The following RTN3 variants were observed in gnomAD, a reference collection of about 807,000 sequenced individuals.
RTN3 encodes the protein reticulon-3.
A neutral mutation model predicts 77.8 loss-of-function variants in RTN3; 49 were observed. The observed-to-expected ratio is 0.63, with a 90% CI of 0.50 to 0.80. The LOEUF is 0.80. Among genes scored for constraint, RTN3 ranks in the 30% least tolerant of loss-of-function variants. The pLI, the probability that RTN3 is intolerant of heterozygous loss-of-function variation, is 0.00. For missense variants in RTN3, 1,236 were observed against 1,211.9 expected, an observed-to-expected ratio of 1.02 and a Z score of -0.29; for synonymous variants, 464 against 446.9, an observed-to-expected ratio of 1.04 and a Z score of -0.48.
rs775683466 is a variant in RTN3, at chr11:63,759,443, T to G, written c.*1242T>G. On this transcript the variant is annotated 3_prime_UTR_variant, in exon 9 of 9. Transcript: ENST00000377819. ...AAGTAGTGGAAGGAAATTGTCTACG[T>G]GTCTTGGAAAAATTAGTTAGGAATT... 2.6e-5 allele frequency: 4 copies of G among 152,664 alleles called. No homozygotes were observed. The highest frequency in any genetic ancestry group is 5.9e-5 in the Non-Finnish European group (4 of 68,036). 9.5% of individuals were successfully genotyped at this position (152,664 alleles called of 1,614,324 possible).
In RTN3 at chr11:63,688,574, G is replaced by A. The variant is rs1319434873; in HGVS notation, c.142+6796G>A. Among the ~76,000 whole-genome samples the A allele has an allele frequency of 2.6e-5, 4 of 152,006 alleles. No homozygotes were observed. In the East Asian group the frequency reaches 7.7e-4, roughly 29 times the overall value. The stretch of plus-strand genomic sequence containing the variant: ...GTTTATTGTCAAATTCACAAGTAAT[G>A]GAACCACTCTGATCAAATTAAACAA... On this transcript the variant is annotated intron_variant, in intron 1 of 8. Coordinates refer to ENST00000377819, the MANE Select transcript of RTN3 (RefSeq NM_001265589.2).
rs114336236 is a variant in RTN3 at position 63,737,017 on chromosome 11, T to C, written c.2531-12974T>C. 9.7e-3 allele frequency among the ~76,000 whole-genome samples: 1,454 copies of C among 150,410 alleles called. 29 individuals carry two copies. The highest frequency in any genetic ancestry group is 0.033 in the African/African-American group (1,355 of 40,984). On this transcript the variant is annotated intron_variant, in intron 3 of 8. Coordinates refer to ENST00000377819, the MANE Select transcript of RTN3 (RefSeq NM_001265589.2). ...CTGTGATAGGGTCTTGCTCTGTTCC[T>C]AAGCCAGAGTGCAGTTTTGCAATCC...
chr11:63,691,732 A>C (rs1417291002), intron 1 of RTN3, among the ~76,000 whole-genome samples: 2 of 152,218 alleles, frequency 1.3e-5, no homozygotes, highest in Non-Finnish European at 2.9e-5. Context: ...AAAGATATCC[A>C]AAGTCTGACC....
intron 2 of RTN3, among the ~76,000 whole-genome samples, chr11:63,716,134 GT>G (rs1467491939): frequency 4.3e-4 from 65 of 152,166 alleles, no homozygotes; most frequent in African/African-American, 1.4e-3. Context: ...CCAGATTACA[GT>G]TATACTATTT....
intron 8 of RTN3, among the ~76,000 whole-genome samples, chr11:63,757,277 T>G (rs762107147): frequency 1.3e-5 from 2 of 151,918 alleles, no homozygotes; most frequent in Non-Finnish European, 2.9e-5. Flanking sequence ...TATCAAAGAG[T>G]TGTTTTCTTC....
intron 7 of RTN3, among the ~76,000 whole-genome samples, chr11:63,755,819 C>T (rs1182301152): frequency 2.0e-5 from 3 of 151,560 alleles, no homozygotes; most frequent in African/African-American, 7.3e-5. Context: ...ATTAGCCAGG[C>T]GTGGTGGCGG....
intron 3 of RTN3, among the ~76,000 whole-genome samples, chr11:63,728,686 G>A (rs1430615130): frequency 6.6e-6 from 1 of 152,036 alleles, no homozygotes; most frequent in African/African-American, 2.4e-5. Flanking sequence ...TCAGGAGTTC[G>A]AGACCAGCCT....
Position 63,752,526 on chromosome 11 carries a change from A to G in RTN3, c.2758A>G (p.Ile920Val). ...HPFKAYLDVD[I>V]TLSSEAFHNY... ...TGGAAGAGCCTACCTGGACGTAGAC[A>G]TTACTCTGTCCTCAGAAGCTTTCCA... The change falls in exon 5 of 9, where the codon ATT becomes GTT. Residue 920 changes from isoleucine (I) to valine (V), a missense_variant. Ile to Val is a conservative substitution (Grantham distance 29, BLOSUM62 3). This residue lies in a region of RTN3 where 141 missense variants were observed against 154.9 expected (regional missense o/e 0.91). Transcript: ENST00000377819. 1 of 1,613,646 alleles carries G rather than the reference A, an allele frequency of 6.2e-7. No individual in the cohort carries two copies. Among genetic ancestry groups the G allele is most frequent in the Non-Finnish European group, 8.5e-7 (1 of 1,179,570 alleles).
chr11:63,729,825 T>C (rs1448183686), intron 3 of RTN3, among the ~76,000 whole-genome samples: 1 of 151,860 alleles, frequency 6.6e-6, no homozygotes, highest in Admixed American at 6.6e-5. Flanking sequence ...GGTCTCGCTC[T>C]GTCACCCAGG....
Position 63,759,227 on chromosome 11 carries a change from C to T in RTN3, c.*1026C>T, listed in dbSNP as rs1268004849. 6.6e-6 allele frequency: 1 copy of T among 152,120 alleles called. No homozygotes were observed. The highest frequency in any genetic ancestry group is 1.5e-5 in the Non-Finnish European group (1 of 68,034). The allele number at this position is 152,120 out of a possible 1,614,324, so 9.4% of individuals were successfully genotyped here. On this transcript the variant is annotated 3_prime_UTR_variant, in exon 9 of 9. Transcript: ENST00000377819. ...TGATCTTTTCCCGAGATTCAAATCT[C>T]CGATTCCCATTTGGGGGCAAGTTTT...
rs1483088273 is a variant in RTN3 at position 63,718,836 on chromosome 11, C to G, written c.334C>G (p.Pro112Ala). ...GEKSHVLGSQ[P>A]ILAKEGKDHL... ...AAAAAGCCATGTGTTAGGGAGCCAGCCTATTTTAGCCAAAGAAGGAAAAGA... is the reference window on the plus strand; with the variant it reads ...AAAAAGCCATGTGTTAGGGAGCCAGGCTATTTTAGCCAAAGAAGGAAAAGA... Residue 112 changes from proline to alanine, a missense_variant, in exon 3 of 9, where the codon CCT becomes GCT. Coordinates refer to ENST00000377819, the MANE Select transcript of RTN3 (RefSeq NM_001265589.2). 3.7e-6 allele frequency: 6 copies of G among 1,613,962 alleles called. No homozygotes were observed. The highest frequency in any genetic ancestry group is 1.7e-5 in the Admixed American group (1 of 59,970).
At chr11:63,704,830 A>T in intron 1 of RTN3, 21 bp from the exon 2 acceptor site, 1 of 1,575,332 alleles carries the variant, frequency 6.3e-7, no homozygotes. Context: ...TCATATTCTC[A>T]TGCTGTATAT....
At chr11:63,693,313 A>G (rs959307903) in intron 1 of RTN3, among the ~76,000 whole-genome samples, 18 of 152,160 alleles carry the variant, frequency 1.2e-4, no homozygotes, top group African/African-American at 3.6e-4. Context: ...GAGAAACGCC[A>G]TCTCTACTAA....
At chr11:63,721,063 G>A (rs774065973) in intron 3 of RTN3, 31 bp downstream of exon 3, 3 of 1,527,274 alleles carry the variant, frequency 2.0e-6, no homozygotes, top group East Asian at 2.3e-5. Context: ...ACTGCATGTG[G>A]TTAATTCTGT....
intron 2 of RTN3, among the ~76,000 whole-genome samples, chr11:63,708,887 A>G (rs1304320802): frequency 6.6e-6 from 1 of 152,226 alleles, no homozygotes; most frequent in Non-Finnish European, 1.5e-5. Context: ...AAAACATACA[A>G]AGATATTGAC....
intron 2 of RTN3, among the ~76,000 whole-genome samples, chr11:63,713,392 C>T (rs1284316064): frequency 6.6e-6 from 1 of 152,124 alleles, no homozygotes; most frequent in Non-Finnish European, 1.5e-5. Context: ...TCACTGCAGC[C>T]TCGACCTCCT....
intron 7 of RTN3, among the ~76,000 whole-genome samples, chr11:63,755,651 C>CAAAA (rs776039864): frequency 5.9e-5 from 1 of 17,062 alleles, no homozygotes; most frequent in Non-Finnish European, 1.0e-4. Flanking sequence ...AATTCCATCT[C>CAAAA]AAAAAAAAAA....
chr11:63,758,224 A>G lies in RTN3; in HGVS notation c.*23A>G, dbSNP rs2014487297. On this transcript the variant is annotated 3_prime_UTR_variant, in exon 9 of 9. Coordinates refer to ENST00000377819, the MANE Select transcript of RTN3 (RefSeq NM_001265589.2). ...TAAGTACATGGAAACCAGAAATGCA[A>G]CAGTTACTAAAACACCATTTAATAG... 1.9e-6 allele frequency: 3 copies of G among 1,613,656 alleles called. No individual in the cohort carries two copies. Among genetic ancestry groups the G allele is most frequent in the African/African-American group, 1.3e-5 (1 of 74,940 alleles).
intron 2 of RTN3, among the ~76,000 whole-genome samples, chr11:63,713,555 C>A (rs1355100932): frequency 6.6e-6 from 1 of 152,120 alleles, no homozygotes; most frequent in Non-Finnish European, 1.5e-5. Flanking sequence ...AAGCTGTCTC[C>A]CTGCCTTGGC....
Sources: gnomAD v4.1 joint callset for allele counts (sites outside exome capture counted in the v4.1 genomes callset) on GRCh38, gnomAD v4.1.1 for gene constraint, gnomAD v4.1.1 regional missense constraint, MANE v1.5 for transcripts, NCBI Gene and HGNC (gene_info 2026-07-23, HGNC 2026-07-21) for gene names.